SPIDR: variants seen among roughly 807,000 people sequenced by gnomAD.
The protein encoded by SPIDR is scaffold protein involved in DNA repair.
SPIDR carries 93 observed loss-of-function variants against 104.6 expected under a neutral mutation model. The ratio of observed to expected loss-of-function variants is 0.89; its 90% CI spans 0.75 to 1.06. SPIDR has a LOEUF of 1.06. Among genes scored for constraint, SPIDR ranks in the 50% least tolerant of loss-of-function variants. The pLI is 0.00. For missense variants in SPIDR, 1,154 were observed against 1,111.2 expected (o/e 1.04, Z -0.55); for synonymous variants, 431 against 416.9 (o/e 1.03, Z -0.41).
chr8:47,290,445 T>C (rs1033106962), intron 3 of SPIDR, among the ~76,000 whole-genome samples: 20 of 152,176 alleles, frequency 1.3e-4, no homozygotes, highest in Non-Finnish European at 2.6e-4. Flanking sequence ...CCTGGTTGTG[T>C]TATACTACAG....
chr8:47,600,357 A>T (rs2062113785), intron 10 of SPIDR, among the ~76,000 whole-genome samples: 1 of 152,162 alleles, frequency 6.6e-6, no homozygotes, highest in African/African-American at 2.4e-5. Flanking sequence ...CATCTCTAAT[A>T]TAAAGACAAT....
intron 8 of SPIDR, among the ~76,000 whole-genome samples, chr8:47,505,649 T>TC: frequency 6.6e-6 from 1 of 151,942 alleles, no homozygotes; most frequent in East Asian, 1.9e-4. Flanking sequence ...TTTCCGATAC[T>TC]CCCCAGTGCG....
At chr8:47,342,054 A>T (rs1191989674) in intron 5 of SPIDR, among the ~76,000 whole-genome samples, 2 of 152,152 alleles carry the variant, frequency 1.3e-5, no homozygotes, top group African/African-American at 4.8e-5. Flanking sequence ...ATTTTATGTG[A>T]AATTGTGTAT....
At chr8:47,420,790 G>C (rs535051264) in intron 7 of SPIDR, among the ~76,000 whole-genome samples, 1 of 152,196 alleles carries the variant, frequency 6.6e-6, no homozygotes, top group African/African-American at 2.4e-5. Flanking sequence ...TCCTTCAGGA[G>C]CTCTTTTAGG....
chr8:47,490,326 A>G (rs1415821261), intron 8 of SPIDR, among the ~76,000 whole-genome samples: 1 of 152,222 alleles, frequency 6.6e-6, no homozygotes, highest in Non-Finnish European at 1.5e-5. Flanking sequence ...TAGAATGGCG[A>G]TCATTAAAAA....
intron 8 of SPIDR, among the ~76,000 whole-genome samples, chr8:47,519,823 A>G (rs886107826): frequency 3.3e-5 from 5 of 152,210 alleles, no homozygotes; most frequent in African/African-American, 1.2e-4. Flanking sequence ...TGTTATAACA[A>G]GTTTCCAAAA....
intron 8 of SPIDR, among the ~76,000 whole-genome samples, chr8:47,451,924 C>T (rs2071839500): frequency 6.6e-6 from 1 of 152,082 alleles, no homozygotes; most frequent in Non-Finnish European, 1.5e-5. Context: ...CAGCCCTGGT[C>T]CCAGCAATCT....
At chr8:47,426,231 G>A (rs1306369646) in intron 7 of SPIDR, among the ~76,000 whole-genome samples, 4 of 152,124 alleles carry the variant, frequency 2.6e-5, no homozygotes, top group East Asian at 3.9e-4. Flanking sequence ...TACAGCCTGG[G>A]CAACAGGGCG....
At chr8:47,521,616 G>T (rs1587078962) in intron 8 of SPIDR, among the ~76,000 whole-genome samples, 1 of 151,446 alleles carries the variant, frequency 6.6e-6, no homozygotes, top group East Asian at 2.0e-4. Context: ...TAGAGATGGG[G>T]TTTCACCATG....
At chr8:47,583,338 C>T (rs1268712652) in intron 8 of SPIDR, among the ~76,000 whole-genome samples, 2 of 150,354 alleles carry the variant, frequency 1.3e-5, no homozygotes, top group Admixed American at 1.3e-4. Context: ...CAGTGGGAGT[C>T]CAACATCATG....
chr8:47,511,497 C>T, intron 8 of SPIDR: 1 of 779,092 alleles, frequency 1.3e-6, no homozygotes, highest in Non-Finnish European at 2.4e-6. Context: ...CTGGCACCTC[C>T]CTTCTGTGGA....
intron 10 of SPIDR, among the ~76,000 whole-genome samples, chr8:47,671,601 TAA>T (rs2075809627): frequency 6.6e-6 from 1 of 150,834 alleles, no homozygotes; most frequent in African/African-American, 2.4e-5. Context: ...AATAAATAAA[TAA>T]ATAAATAAAT....
intron 16 of SPIDR, among the ~76,000 whole-genome samples, 191 bp downstream of exon 16, chr8:47,713,832 C>T (rs1000435950): frequency 2.6e-5 from 4 of 152,148 alleles, no homozygotes; most frequent in Non-Finnish European, 4.4e-5. Flanking sequence ...GTGAATCAGA[C>T]GAACACAGAC....
rs57968668 is a variant in SPIDR at position 47,341,131 on chromosome 8, G to A, written c.525+47101G>A. Among the ~76,000 whole-genome samples the A allele has an allele frequency of 4.3e-3, 659 of 152,306 alleles. 4 individuals carry two copies. The highest frequency in any genetic ancestry group is 0.015 in the African/African-American group (628 of 41,566). On this transcript the variant is annotated intron_variant, in intron 5 of 19. Transcript: ENST00000297423. ...GTGGAGGACTTTACCCTTCACCTGTGGGGTCTGTGCTAACTCAGGTAGTTA... is the reference window on the plus strand; with the variant it reads ...GTGGAGGACTTTACCCTTCACCTGTAGGGTCTGTGCTAACTCAGGTAGTTA...
intron 10 of SPIDR, among the ~76,000 whole-genome samples, chr8:47,642,942 AC>A (rs2154447982): frequency 6.6e-6 from 1 of 152,344 alleles, no homozygotes; most frequent in African/African-American, 2.4e-5. Context: ...AGGAACATGT[AC>A]AAATATTGCA....
intron 8 of SPIDR, among the ~76,000 whole-genome samples, chr8:47,485,216 G>C (rs192742711): frequency 1.3e-5 from 2 of 152,216 alleles, no homozygotes; most frequent in Non-Finnish European, 2.9e-5. Context: ...TGCAAGGCTC[G>C]GAGGGTCCCA....
At chr8:47,669,109 A>G (rs779392278) in intron 10 of SPIDR, among the ~76,000 whole-genome samples, 10 of 152,208 alleles carry the variant, frequency 6.6e-5, no homozygotes, top group Non-Finnish European at 1.3e-4. Flanking sequence ...AACTTTTGCA[A>G]GATCCAAAGT....
intron 8 of SPIDR, among the ~76,000 whole-genome samples, chr8:47,508,844 T>C (rs2081890792): frequency 2.0e-5 from 3 of 152,192 alleles, no homozygotes; most frequent in Admixed American, 2.0e-4. Flanking sequence ...AGTCCGGTTG[T>C]TTCTTTTTCT....
intron 17 of SPIDR, among the ~76,000 whole-genome samples, chr8:47,728,038 A>T (rs1204660785): frequency 6.6e-6 from 1 of 151,988 alleles, no homozygotes; most frequent in Non-Finnish European, 1.5e-5. Context: ...AATCTCTCGA[A>T]ACGGGGAGTC....
Sources: gnomAD v4.1 joint callset for allele counts (sites outside exome capture counted in the v4.1 genomes callset) on GRCh38, gnomAD v4.1.1 for gene constraint, MANE v1.5 for transcripts, NCBI Gene and HGNC (gene_info 2026-07-23, HGNC 2026-07-21) for gene names.